The following CCNH variants were observed in gnomAD, a reference collection of about 807,000 sequenced individuals.
CCNH encodes cyclin-H.
In CCNH, 31 loss-of-function variants were observed where a neutral mutation model predicts 41.9. The ratio of observed to expected loss-of-function variants is 0.74; its 90% confidence interval spans 0.56 to 1.00. CCNH has a LOEUF of 1.00. CCNH is among the 50% of genes least tolerant of loss of function. The pLI is 0.00. For synonymous variants in CCNH, 138 were observed against 136.1 expected (o/e 1.01, Z -0.10); for missense variants, 362 against 388.4 (o/e 0.93, Z 0.57).
chr5:87,367,387 G>A (rs1016459236), intron 9 of CCNH, among the ~76,000 whole-genome samples: 2 of 152,156 alleles, frequency 1.3e-5, no homozygotes, highest in African/African-American at 4.8e-5. Flanking sequence ...AACCTGATAT[G>A]CTGACCTTTA....
At chr5:87,328,304 A>C (rs1757378618) in intron 9 of CCNH, among the ~76,000 whole-genome samples, 1 of 125,978 alleles carries the variant, frequency 7.9e-6, no homozygotes, top group Admixed American at 8.9e-5. Flanking sequence ...TCTTTGAGGT[A>C]TTCTAGATTC....
At chr5:87,321,116 T>C (rs1756766754) in intron 9 of CCNH, among the ~76,000 whole-genome samples, 1 of 151,974 alleles carries the variant, frequency 6.6e-6, no homozygotes, top group Non-Finnish European at 1.5e-5. Flanking sequence ...ATGGAGAGGG[T>C]AGTAATGAAT....
chr5:87,340,916 C>T (rs1218030436), intron 9 of CCNH, among the ~76,000 whole-genome samples: 1 of 151,364 alleles, frequency 6.6e-6, no homozygotes, highest in Non-Finnish European at 1.5e-5. Flanking sequence ...CTGTGGTAAA[C>T]GACTTCAGTT....
At chr5:87,388,962 C>T (rs1762262762), downstream of CCNH, among the ~76,000 whole-genome samples, 1 of 152,004 alleles carries the variant, frequency 6.6e-6, no homozygotes, top group South Asian at 2.1e-4. Flanking sequence ...TAATATTGTA[C>T]ACATCTGTCA....
chr5:87,373,568 C>T (rs1227774362), downstream of CCNH, among the ~76,000 whole-genome samples: 1 of 151,996 alleles, frequency 6.6e-6, no homozygotes, highest in Non-Finnish European at 1.5e-5. Context: ...CGGATTTGTG[C>T]AAGGCCACAC....
At chr5:87,376,751 T>A in exon 1 of CCNH, 1 of 1,208,158 alleles carries the variant, frequency 8.3e-7, no homozygotes. Flanking sequence ...CATTCTATTT[T>A]AAATAAATTT....
At chr5:87,322,082 A>C (rs963463485) in intron 9 of CCNH, among the ~76,000 whole-genome samples, 4 of 152,062 alleles carry the variant, frequency 2.6e-5, no homozygotes, top group Non-Finnish European at 2.9e-5. Context: ...GGGTGTTTGG[A>C]TCATAAAGGT....
chr5:87,391,447 C>CTAT (rs1762508011), downstream of CCNH: 1 of 242,330 alleles, frequency 4.1e-6, no homozygotes, highest in Non-Finnish European at 8.2e-6. Context: ...AAATACTCTG[C>CTAT]TATTTCTCTT....
chr5:87,319,816 C>G (rs75813061), intron 9 of CCNH, among the ~76,000 whole-genome samples: 2 of 152,174 alleles, frequency 1.3e-5, no homozygotes, highest in African/African-American at 2.4e-5. Flanking sequence ...TTGAATTTCT[C>G]CCCCCAAAAT....
intron 9 of CCNH, among the ~76,000 whole-genome samples, chr5:87,363,701 C>G (rs551100251): frequency 4.6e-4 from 70 of 152,130 alleles, no homozygotes; most frequent in African/African-American, 1.7e-3. Flanking sequence ...GCACAGAAAT[C>G]TTTGGCATGA....
In CCNH at chr5:87,338,534, A is replaced by ATATATATATATATAT. The variant is rs1561292504; in HGVS notation, c.*91-19638_*91-19637insATATATATATATATA. On this transcript the variant is annotated intron_variant and NMD_transcript_variant, in intron 9 of 9. Transcript: ENST00000645953. ...ATATATATATATATATATATATATAAAATTTTTTTTTTTTTTAAGTAGAAA... is the reference window on the plus strand; with the variant it reads ...ATATATATATATATATATATATATAATATATATATATATATAATTTTTTTTTTTTTTAAGTAGAAA... 4.9e-3 allele frequency among the ~76,000 whole-genome samples: 224 copies of ATATATATATATATAT among 46,002 alleles called. 3 individuals are homozygous for ATATATATATATATAT. Among genetic ancestry groups the ATATATATATATATAT allele is most frequent in the Non-Finnish European group, 8.9e-3 (190 of 21,324 alleles). 30.2% of individuals were successfully genotyped at this position (46,002 alleles called of 152,430 possible).
At chr5:87,358,511 A>G (rs1759827795) in intron 9 of CCNH, among the ~76,000 whole-genome samples, 1 of 152,120 alleles carries the variant, frequency 6.6e-6, no homozygotes, top group African/African-American at 2.4e-5. Context: ...TCTGTCTTCA[A>G]AGTATGTCTA....
downstream of CCNH, among the ~76,000 whole-genome samples, chr5:87,374,511 G>A (rs1233545724): frequency 7.7e-6 from 1 of 129,868 alleles, no homozygotes; most frequent in Non-Finnish European, 1.6e-5. Context: ...GAAGTGCTAT[G>A]CCCTTGGTTT....
chr5:87,319,921 C>T (rs902413070), intron 9 of CCNH, among the ~76,000 whole-genome samples: 1 of 152,222 alleles, frequency 6.6e-6, no homozygotes, highest in Non-Finnish European at 1.5e-5. Flanking sequence ...TTCACACCGT[C>T]TCTTCATACA....
At chr5:87,334,101 T>C (rs1160066870) in intron 9 of CCNH, among the ~76,000 whole-genome samples, 2 of 152,120 alleles carry the variant, frequency 1.3e-5, no homozygotes, top group South Asian at 2.1e-4. Flanking sequence ...CTAGAGGAGA[T>C]TTTTTTACGG....
chr5:87,320,753 A>C (rs1217823814), intron 9 of CCNH, among the ~76,000 whole-genome samples: 1 of 152,262 alleles, frequency 6.6e-6, no homozygotes, highest in African/African-American at 2.4e-5. Context: ...TAATGTATTC[A>C]GTTAAAGGGG....
chr5:87,343,631 T>C (rs1298289708), intron 9 of CCNH, among the ~76,000 whole-genome samples: 1 of 152,118 alleles, frequency 6.6e-6, no homozygotes, highest in East Asian at 1.9e-4. Flanking sequence ...GGAATGTAAA[T>C]GAGTGCAGTT....
At chr5:87,385,516 G>A (rs1437063353) in intron 9 of CCNH, 1 of 739,912 alleles carries the variant, frequency 1.4e-6, no homozygotes, top group African/African-American at 1.8e-5. Flanking sequence ...ATTTTTGTTG[G>A]TATGTTTGTT....
chr5:87,369,086 T>G (rs1760737329), intron 9 of CCNH, among the ~76,000 whole-genome samples: 1 of 152,128 alleles, frequency 6.6e-6, no homozygotes, highest in South Asian at 2.1e-4. Flanking sequence ...CCTCCTAACA[T>G]TAGCATGATA....
Sources: gnomAD v4.1 joint callset for allele counts (sites outside exome capture counted in the v4.1 genomes callset) on GRCh38, gnomAD v4.1.1 for gene constraint, MANE v1.5 for transcripts, NCBI Gene and HGNC (gene_info 2026-07-23, HGNC 2026-07-21) for gene names.